The following SLC30A5 variants were observed in gnomAD, a reference collection of about 807,000 sequenced individuals.
SLC30A5 encodes the protein solute carrier family 30 member 5, also known as proton-coupled zinc antiporter SLC30A5.
Under a neutral mutation model 79.6 loss-of-function variants are expected in SLC30A5, and 33 were observed. That is an observed-to-expected ratio of 0.41 (90% confidence interval 0.31 to 0.55). The LOEUF (loss-of-function observed/expected upper bound fraction) is 0.55, where lower values mean the gene tolerates loss of function less well. Ranked by LOEUF, SLC30A5 falls within the 20% of genes least tolerant of loss-of-function variation. The pLI, the probability that SLC30A5 is intolerant of heterozygous loss-of-function variation, is 0.20. For missense variants in SLC30A5, 788 were observed against 928.1 expected (o/e 0.85, Z 1.96); for synonymous variants, 299 against 319.7 (o/e 0.94, Z 0.69).
intron 4 of SLC30A5, among the ~76,000 whole-genome samples, chr5:69,106,048 T>A (rs529518756): frequency 4.4e-4 from 67 of 152,242 alleles, no homozygotes; most frequent in Non-Finnish European, 7.4e-4. Context: ...CTCAGAATAG[T>A]GGGGTAGACA....
intron 11 of SLC30A5, 174 bp from the exon 12 acceptor site, chr5:69,118,315 ATATATATATG>A: frequency 7.1e-6 from 1 of 140,914 alleles, no homozygotes; most frequent in Non-Finnish European, 1.4e-5. Flanking sequence ...ATATGTGTAT[ATATATATATG>A]TATATATATA....
At chr5:69,129,387 A>G (rs201315621) in intron 15 of SLC30A5, 60 bp from the exon 16 acceptor site, 311 of 1,231,298 alleles carry the variant, frequency 2.5e-4, no homozygotes, top group Non-Finnish European at 5.9e-5. Flanking sequence ...CAGCATATTA[A>G]GACGTGTGTA....
At chr5:69,114,822 G>A (rs779598807) in intron 7 of SLC30A5, among the ~76,000 whole-genome samples, 53 of 152,068 alleles carry the variant, frequency 3.5e-4, no homozygotes, top group Non-Finnish European at 6.3e-4. Flanking sequence ...CCAAGGTCGC[G>A]CTATTGCACT....
intron 14 of SLC30A5, among the ~76,000 whole-genome samples, chr5:69,125,061 C>A (rs1415297640): frequency 6.6e-6 from 1 of 152,054 alleles, no homozygotes; most frequent in Non-Finnish European, 1.5e-5. Context: ...TATAAACAGG[C>A]AAAGGTTTAC....
At chr5:69,103,039 T>C in intron 2 of SLC30A5, 23 bp from the exon 3 acceptor site, 1 of 1,215,622 alleles carries the variant, frequency 8.2e-7, no homozygotes, top group South Asian at 1.3e-5. Flanking sequence ...AATATTAATA[T>C]ATTAATGTTT....
intron 1 of SLC30A5, among the ~76,000 whole-genome samples, chr5:69,097,607 G>A (rs1205234091): frequency 2.0e-5 from 3 of 152,054 alleles, no homozygotes; most frequent in Admixed American, 1.3e-4. Context: ...ATGTGAGATT[G>A]CAGATGTGCA....
chr5:69,098,722 AC>A (rs2111927565), intron 1 of SLC30A5, among the ~76,000 whole-genome samples: 1 of 152,338 alleles, frequency 6.6e-6, no homozygotes, highest in East Asian at 1.9e-4. Flanking sequence ...TTACTTTTCT[AC>A]GACTCAGTTT....
At chr5:69,125,980 C>T (rs1026642838) in intron 14 of SLC30A5, among the ~76,000 whole-genome samples, 1 of 151,386 alleles carries the variant, frequency 6.6e-6, no homozygotes. Flanking sequence ...ACCCAGGAGG[C>T]AGAGGTTGCA....
intron 10 of SLC30A5, 138 bp from the exon 11 acceptor site, chr5:69,117,101 T>G: frequency 1.6e-6 from 1 of 624,276 alleles, no homozygotes; most frequent in Non-Finnish European, 2.7e-6. Context: ...GAAATAGGGT[T>G]TCTAATGTAA....
In SLC30A5 at chr5:69,121,672, T is replaced by G. The variant is rs187908166; in HGVS notation, c.1570-22T>G. 706 of 1,540,112 alleles carry G rather than the reference T, an allele frequency of 4.6e-4. 6 individuals are homozygous for G. In the East Asian group the frequency reaches 0.012, roughly 26 times the overall value. On this transcript the variant is annotated intron_variant, in intron 12 of 15. Coordinates refer to ENST00000396591, the MANE Select transcript of SLC30A5 (RefSeq NM_022902.5). ...TATTTTTAAATTACTAATTTAAAGG[T>G]TTTTTTTCTCCCTTTTGCTAGCCAG...
At chr5:69,109,235 G>A (rs1746165966) in intron 5 of SLC30A5, among the ~76,000 whole-genome samples, 1 of 151,360 alleles carries the variant, frequency 6.6e-6, no homozygotes, top group Non-Finnish European at 1.5e-5. Context: ...ATGCTCGAGG[G>A]GATGGATACC....
chr5:69,118,176 CAA>C (rs376300891), intron 11 of SLC30A5, among the ~76,000 whole-genome samples: 6 of 83,298 alleles, frequency 7.2e-5, no homozygotes, highest in Non-Finnish European at 1.3e-4. Context: ...GACTCTGTCT[CAA>C]AAAAAAAAAA....
chr5:69,103,312 G>C (rs1454239168), intron 3 of SLC30A5, among the ~76,000 whole-genome samples, 184 bp downstream of exon 3: 1 of 152,032 alleles, frequency 6.6e-6, no homozygotes, highest in Admixed American at 6.6e-5. Context: ...TAAGATCATG[G>C]AATGTTTTTA....
In SLC30A5 at chr5:69,107,700, A is replaced by G. The variant is rs547379872; in HGVS notation, c.360-649A>G. Reference sequence around the variant, plus strand: ...ATGTGGTCTACCATTGACCAAAATAATGTTATGCAGCACATGGGTATATGT... The same window carrying G: ...ATGTGGTCTACCATTGACCAAAATAGTGTTATGCAGCACATGGGTATATGT... On this transcript the variant is annotated intron_variant, in intron 4 of 15. Coordinates refer to ENST00000396591, the MANE Select transcript of SLC30A5 (RefSeq NM_022902.5). Among the ~76,000 whole-genome samples the G allele has an allele frequency of 3.8e-3, 577 of 151,324 alleles. 7 individuals carry two copies. Among genetic ancestry groups the G allele is most frequent in the African/African-American group, 0.013 (533 of 41,218 alleles).
At position 69,115,408 on chromosome 5, in the gene SLC30A5, G is replaced by T; in HGVS notation, c.783+1G>T. The T allele has an allele frequency of 6.2e-7, 1 of 1,608,022 alleles. No homozygotes were observed. Among genetic ancestry groups the T allele is most frequent in the South Asian group, 1.1e-5 (1 of 90,122 alleles). The stretch of plus-strand genomic sequence containing the variant: ...CATTGTTCTTTCTGTGACAACTGAG[G>T]TAAGATAAGAGCAAGAATTTATTGG... On this transcript the variant is annotated splice_donor_variant, in intron 8 of 15. Transcript: ENST00000396591. LOFTEE classifies it high-confidence loss of function.
Position 69,115,262 on chromosome 5 carries a change from C to T in SLC30A5, c.638C>T (p.Ala213Val). Residue 213 changes from alanine (A) to valine (V), a missense_variant, in exon 8 of 16, where the codon GCT becomes GTT. Transcript: ENST00000396591. ...GGTGGAGTATTATTGCTAGTACTGG[C>T]TTTGTGTTGTAAAGTTGGTTTTCAT... Reference protein sequence around the residue: ...HKGGVLLLVLALCCKVGFHTA... With the variant: ...HKGGVLLLVLVLCCKVGFHTA... 5 of 1,604,104 alleles carry T rather than the reference C, an allele frequency of 3.1e-6. No individual in the cohort carries two copies. The highest frequency in any genetic ancestry group is 1.7e-5 in the Admixed American group (1 of 59,574).
chr5:69,123,376 T>A lies in SLC30A5; in HGVS notation c.1949T>A (p.Leu650Gln), dbSNP rs1746588475. ...LIKDACQVLLLRLPPEYEKEL... is the reference protein window; with the variant it reads ...LIKDACQVLLQRLPPEYEKEL... ...AAAGATGCCTGCCAGGTTCTACTCC[T>A]GAGATTGCCACCAGAATATGAAAAA... is the stretch of plus-strand genomic sequence containing the variant. Residue 650 changes from leucine to glutamine, a missense_variant, in exon 14 of 16, where the codon CTG (leucine) becomes CAG (glutamine). Leu to Gln is a moderately radical substitution (Grantham distance 113, BLOSUM62 -2). Transcript: ENST00000396591. 1 of 1,613,866 alleles carries A rather than the reference T, an allele frequency of 6.2e-7. No individual in the cohort carries two copies. Among genetic ancestry groups the A allele is most frequent in the Middle Eastern group, 1.6e-4 (1 of 6,062 alleles).
intron 14 of SLC30A5, among the ~76,000 whole-genome samples, chr5:69,125,730 T>C (rs1746662889): frequency 6.6e-6 from 1 of 150,692 alleles, no homozygotes; most frequent in South Asian, 2.1e-4. Flanking sequence ...TCCCAGCTCC[T>C]CGGGAGGCTG....
chr5:69,113,343 C>T, intron 6 of SLC30A5, 116 bp downstream of exon 6: 1 of 680,054 alleles, frequency 1.5e-6, no homozygotes, highest in South Asian at 2.2e-5. Flanking sequence ...ATGAAACTTT[C>T]ATAGATTAAT....
Sources: gnomAD v4.1 joint callset for allele counts (sites outside exome capture counted in the v4.1 genomes callset) on GRCh38, gnomAD v4.1.1 for gene constraint, MANE v1.5 for transcripts, NCBI Gene and HGNC (gene_info 2026-07-23, HGNC 2026-07-21) for gene names.